ARHGAP22: variants seen among roughly 807,000 people sequenced by gnomAD.
ARHGAP22 encodes Rho GTPase activating protein 22, also known as rho GTPase-activating protein 22.
In ARHGAP22, 48 loss-of-function variants were observed where a neutral mutation model predicts 59.1. That is an observed-to-expected ratio of 0.81 (90% confidence interval 0.64 to 1.03). ARHGAP22 has a LOEUF of 1.03. Among genes scored for constraint, ARHGAP22 ranks in the 50% least tolerant of loss-of-function variants. The pLI, the probability that ARHGAP22 is intolerant of heterozygous loss-of-function variation, is 0.00. For missense variants in ARHGAP22, 1,015 were observed against 958.7 expected (o/e 1.06, Z -0.78); for synonymous variants, 445 against 416.4 (o/e 1.07, Z -0.84).
At position 48,450,923 on chromosome 10, in the gene ARHGAP22, C is replaced by T. The variant is rs1478657484; in HGVS notation, c.1206G>A (p.Ala402=). 2.5e-6 allele frequency: 4 copies of T among 1,591,414 alleles called. No individual in the cohort carries two copies. Among genetic ancestry groups the T allele is most frequent in the African/African-American group, 2.7e-5 (2 of 74,418 alleles). The change falls in exon 9 of 10, where the codon GCG becomes GCA. Residue 402 remains alanine, a synonymous_variant. Coordinates refer to ENST00000249601, the MANE Select transcript of ARHGAP22 (RefSeq NM_021226.4). ...CCGTGGGGGCTGTTCTGGAGAGCAC[C>T]GCCACGGCCGCCCCGTCCAGGGAAG... The part of the protein sequence containing the change: ...RTSSLDGAAV[A]VLSRTAPTGP...
the ARHGAP22 span, chr10:48,431,387 A>T: frequency 2.9e-6 from 2 of 696,086 alleles, no homozygotes; most frequent in South Asian, 3.9e-5. Context: ...TTCCAGGCTT[A>T]ATAAGTATAA....
intron 2 of ARHGAP22, among the ~76,000 whole-genome samples, chr10:48,574,304 T>C (rs551283561): frequency 1.8e-4 from 27 of 152,336 alleles, no homozygotes; most frequent in South Asian, 1.5e-3. Context: ...ATGTGTCAAG[T>C]ACCGCTAGGT....
At chr10:48,465,196 G>A (rs1483128353) in intron 4 of ARHGAP22, among the ~76,000 whole-genome samples, 1 of 152,236 alleles carries the variant, frequency 6.6e-6, no homozygotes, top group Non-Finnish European at 1.5e-5. Flanking sequence ...GCCATCGTGT[G>A]GGTTCCTCGA....
chr10:48,529,335 A>G (rs1381388279), intron 3 of ARHGAP22, among the ~76,000 whole-genome samples: 1 of 152,190 alleles, frequency 6.6e-6, no homozygotes, highest in Non-Finnish European at 1.5e-5. Context: ...CAGTTCTTGC[A>G]TCTTATGTAA....
intron 1 of ARHGAP22, among the ~76,000 whole-genome samples, chr10:48,647,388 A>G (rs1197260557): frequency 2.0e-5 from 3 of 152,234 alleles, no homozygotes; most frequent in Non-Finnish European, 4.4e-5. Flanking sequence ...AGCAAAACTC[A>G]GTATCAAAAA....
At chr10:48,637,638 A>G (rs1392824946) in intron 1 of ARHGAP22, among the ~76,000 whole-genome samples, 6 of 151,820 alleles carry the variant, frequency 4.0e-5, no homozygotes, top group Admixed American at 3.9e-4. Context: ...GGGTGAATAG[A>G]TGGATGGATA....
intron 4 of ARHGAP22, among the ~76,000 whole-genome samples, chr10:48,474,920 C>T (rs1168928811): frequency 6.6e-6 from 1 of 152,000 alleles, no homozygotes; most frequent in Non-Finnish European, 1.5e-5. Flanking sequence ...ATTCTCTGTC[C>T]CTCCTACACC....
the ARHGAP22 span, chr10:48,437,830 AAAG>A: frequency 6.6e-6 from 1 of 152,400 alleles, no homozygotes; most frequent in Admixed American, 6.5e-5. Context: ...TTAACAATCC[AAAG>A]AAGCTTGATG....
chr10:48,546,593 A>T (rs2056456899), intron 3 of ARHGAP22: 1 of 161,270 alleles, frequency 6.2e-6, no homozygotes, highest in South Asian at 1.6e-4. Flanking sequence ...CCGCTAGCTA[A>T]CATGGCATTA....
chr10:48,635,724 T>C (rs2061790640), intron 1 of ARHGAP22, among the ~76,000 whole-genome samples: 1 of 152,206 alleles, frequency 6.6e-6, no homozygotes, highest in Non-Finnish European at 1.5e-5. Context: ...CCCTCCTTCC[T>C]GGTGTCACTC....
intron 3 of ARHGAP22, among the ~76,000 whole-genome samples, chr10:48,491,694 C>T (rs1014716955): frequency 5.9e-5 from 9 of 152,354 alleles, no homozygotes; most frequent in Middle Eastern, 3.4e-3. Context: ...GAAACCCTCG[C>T]GTAAGGCGGG....
intron 1 of ARHGAP22, among the ~76,000 whole-genome samples, chr10:48,625,321 T>G (rs1470709440): frequency 6.6e-6 from 1 of 152,126 alleles, no homozygotes; most frequent in Non-Finnish European, 1.5e-5. Flanking sequence ...TATAAGTATC[T>G]TAGCTCAAAC....
upstream of ARHGAP22, among the ~76,000 whole-genome samples, chr10:48,607,659 A>G (rs1315646863): frequency 6.6e-6 from 1 of 152,196 alleles, no homozygotes; most frequent in Non-Finnish European, 1.5e-5. Context: ...CTTCTCACTT[A>G]TAAGTGGGAC....
chr10:48,619,608 A>G (rs2061212683), intron 1 of ARHGAP22, among the ~76,000 whole-genome samples: 1 of 152,222 alleles, frequency 6.6e-6, no homozygotes, highest in Non-Finnish European at 1.5e-5. Context: ...TGTCTTCAAT[A>G]AATGATGTTG....
upstream of ARHGAP22, among the ~76,000 whole-genome samples, chr10:48,653,429 T>TG (rs2062639598): frequency 6.6e-6 from 1 of 152,142 alleles, no homozygotes; most frequent in South Asian, 2.1e-4. Context: ...TGGGGTGTGT[T>TG]GGGGGAATGT....
At chr10:48,446,656 C>G in intron 9 of ARHGAP22, 37 bp from the exon 10 acceptor site, 1 of 1,584,478 alleles carries the variant, frequency 6.3e-7, no homozygotes, top group Non-Finnish European at 8.6e-7. Flanking sequence ...TGAGACTCTG[C>G]GGGCCAGGTT....
At chr10:48,495,428 T>C (rs563193784) in intron 3 of ARHGAP22, among the ~76,000 whole-genome samples, 64 of 152,204 alleles carry the variant, frequency 4.2e-4, no homozygotes, top group Non-Finnish European at 8.7e-4. Context: ...GAATAATTAG[T>C]CGAAGGTCAC....
At chr10:48,640,035 A>T (rs1455755797) in intron 1 of ARHGAP22, among the ~76,000 whole-genome samples, 1 of 152,340 alleles carries the variant, frequency 6.6e-6, no homozygotes, top group South Asian at 2.1e-4. Context: ...AATATTTAAA[A>T]CCAAATGGAA....
At chr10:48,553,184 C>T (rs529211090) in intron 3 of ARHGAP22, among the ~76,000 whole-genome samples, 1 of 152,388 alleles carries the variant, frequency 6.6e-6, no homozygotes, top group South Asian at 2.1e-4. Flanking sequence ...CTGCAGATAG[C>T]TGCGCCGCAC....
Sources: gnomAD v4.1 joint callset for allele counts (sites outside exome capture counted in the v4.1 genomes callset) on GRCh38, gnomAD v4.1.1 for gene constraint, MANE v1.5 for transcripts, NCBI Gene and HGNC (gene_info 2026-07-23, HGNC 2026-07-21) for gene names.